WWOX: variants seen among roughly 807,000 people sequenced by gnomAD.
The protein encoded by WWOX is WW domain containing oxidoreductase.
In WWOX, 69 loss-of-function variants were observed where a neutral mutation model predicts 46.2. The ratio of observed to expected loss-of-function variants is 1.49; its 90% confidence interval spans 1.23 to 1.82. The LOEUF is 1.82. Among genes scored for constraint, WWOX ranks in the 40% most tolerant of loss-of-function variants. The probability of loss-of-function intolerance (pLI) is 0.00; values close to 1 mark genes in which losing one functional copy is unlikely to be tolerated. For missense variants in WWOX, 919 were observed against 542.6 expected (o/e 1.69, Z -6.89); for synonymous variants, 359 against 202.6 (o/e 1.77, Z -6.56).
chr16:78,326,311 A>G (rs747781790), intron 5 of WWOX, among the ~76,000 whole-genome samples: 3 of 152,168 alleles, frequency 2.0e-5, no homozygotes, highest in Non-Finnish European at 4.4e-5. Flanking sequence ...AGAAACCTAA[A>G]TTGCTAAATT....
Position 78,493,576 on chromosome 16 carries a change from T to C in WWOX, c.1056+60824T>C, listed in dbSNP as rs548233080. Among the ~76,000 whole-genome samples, 3 of 152,354 alleles carry C rather than the reference T, an allele frequency of 2.0e-5. 1 individual carries two copies. The South Asian group carries it at 6.2e-4, about 32-fold the overall frequency. ...TGGGGTGTTTAAGGAGAATTATTCT[T>C]TTTACAAGTTCTGATTAATGACACC... On this transcript the variant is annotated intron_variant, in intron 8 of 8. Transcript: ENST00000566780.
At chr16:78,273,483 T>TGGG (rs2079520483) in intron 5 of WWOX, among the ~76,000 whole-genome samples, 1 of 152,204 alleles carries the variant, frequency 6.6e-6, no homozygotes, top group Non-Finnish European at 1.5e-5. Flanking sequence ...TAAACATTTA[T>TGGG]TAAATCCAAG....
intron 8 of WWOX, among the ~76,000 whole-genome samples, chr16:78,620,052 A>G (rs1597358122): frequency 6.6e-6 from 1 of 152,202 alleles, no homozygotes; most frequent in Non-Finnish European, 1.5e-5. Context: ...TTTTCTGCCA[A>G]ATGGAAGATC....
intron 8 of WWOX, among the ~76,000 whole-genome samples, chr16:78,615,098 A>T (rs756841958): frequency 6.6e-6 from 1 of 152,208 alleles, no homozygotes; most frequent in African/African-American, 2.4e-5. Flanking sequence ...GTGAAATTCT[A>T]TGTGTAAAAT....
At chr16:78,444,454 A>G (rs1347032857) in intron 8 of WWOX, among the ~76,000 whole-genome samples, 1 of 152,052 alleles carries the variant, frequency 6.6e-6, no homozygotes, top group Non-Finnish European at 1.5e-5. Flanking sequence ...AACTGAACCT[A>G]CCATCATTTA....
chr16:78,630,304 T>A (rs929060097), intron 8 of WWOX, among the ~76,000 whole-genome samples: 2 of 152,150 alleles, frequency 1.3e-5, no homozygotes, highest in Admixed American at 6.5e-5. Context: ...CTTGGCTGCA[T>A]CTGGGAACTT....
At chr16:78,859,837 GA>G (rs2052674950) in intron 8 of WWOX, among the ~76,000 whole-genome samples, 1 of 61,390 alleles carries the variant, frequency 1.6e-5, no homozygotes, top group Admixed American at 1.7e-4. Flanking sequence ...ATTTAACAGT[GA>G]TTTTTTTTTT....
intron 8 of WWOX, among the ~76,000 whole-genome samples, chr16:79,122,281 G>C (rs756817493): frequency 1.6e-4 from 25 of 152,274 alleles, no homozygotes; most frequent in South Asian, 8.3e-4. Context: ...AAAGAAAAGG[G>C]AGGAGGTGGG....
intron 8 of WWOX, among the ~76,000 whole-genome samples, chr16:78,739,175 T>C (rs2049157997): frequency 6.6e-6 from 1 of 151,982 alleles, no homozygotes; most frequent in African/African-American, 2.4e-5. Flanking sequence ...GGACCATGAC[T>C]TTTCCCCTGG....
intron 8 of WWOX, among the ~76,000 whole-genome samples, chr16:78,863,387 A>G (rs2043934782): frequency 6.6e-6 from 1 of 152,196 alleles, no homozygotes; most frequent in South Asian, 2.1e-4. Flanking sequence ...ACCTTGATGA[A>G]TGGACCCTGA....
chr16:79,136,693 TG>T (rs1417309989), intron 8 of WWOX, among the ~76,000 whole-genome samples: 1 of 152,164 alleles, frequency 6.6e-6, no homozygotes, highest in Admixed American at 6.5e-5. Context: ...CCTTTCTAGT[TG>T]CATGACCTGG....
intron 8 of WWOX, among the ~76,000 whole-genome samples, chr16:78,624,776 A>C (rs2046273269): frequency 6.6e-6 from 1 of 152,228 alleles, no homozygotes; most frequent in Non-Finnish European, 1.5e-5. Flanking sequence ...GCAGAACGAC[A>C]CAATGGTGAA....
intron 8 of WWOX, among the ~76,000 whole-genome samples, chr16:78,956,744 A>G (rs1382187166): frequency 2.0e-5 from 3 of 152,150 alleles, no homozygotes; most frequent in Admixed American, 6.6e-5. Context: ...TGTGCCACAA[A>G]CAAGAAATTT....
intron 8 of WWOX, among the ~76,000 whole-genome samples, chr16:78,540,018 TCTCA>T (rs1313501806): frequency 1.0e-3 from 107 of 102,532 alleles, no homozygotes; most frequent in Middle Eastern, 6.1e-3. Flanking sequence ...TCTCTCTCTC[TCTCA>T]CACACACACA....
chr16:78,406,340 A>G (rs1240016834), intron 6 of WWOX, among the ~76,000 whole-genome samples: 2 of 88,898 alleles, frequency 2.2e-5, no homozygotes, highest in East Asian at 5.2e-4. Context: ...ATATATATAT[A>G]TATATATATA....
intron 8 of WWOX, among the ~76,000 whole-genome samples, chr16:78,606,235 C>T (rs1490577264): frequency 6.6e-6 from 1 of 152,162 alleles, no homozygotes; most frequent in Non-Finnish European, 1.5e-5. Context: ...CAAAAACTGG[C>T]TCTCTTTGTA....
At chr16:79,016,455 C>G (rs1271017631) in intron 8 of WWOX, 1 of 152,324 alleles carries the variant, frequency 6.6e-6, no homozygotes, top group African/African-American at 2.4e-5. Flanking sequence ...CAGAGTCTCG[C>G]TCCGTCGCCT....
intron 8 of WWOX, among the ~76,000 whole-genome samples, chr16:79,147,309 T>C (rs1263097365): frequency 6.6e-6 from 1 of 152,192 alleles, no homozygotes. Context: ...ACTTTTAAAA[T>C]GTTGTTTTTT....
rs372012297 is a variant in WWOX at position 78,872,177 on chromosome 16, C to G, written c.1057-339431C>G. 8.5e-5 allele frequency among the ~76,000 whole-genome samples: 13 copies of G among 152,302 alleles called. No homozygotes were observed. The East Asian group carries it at 2.3e-3, about 27-fold the overall frequency. ...AGGTACTTTTAGAGACGATGTCTAA[C>G]AGTGCAACCCATAGAACCAGGCTGC... On this transcript the variant is annotated intron_variant, in intron 8 of 8. Transcript: ENST00000566780.
Sources: gnomAD v4.1 joint callset for allele counts (sites outside exome capture counted in the v4.1 genomes callset) on GRCh38, gnomAD v4.1.1 for gene constraint, MANE v1.5 for transcripts, NCBI Gene and HGNC (gene_info 2026-07-23, HGNC 2026-07-21) for gene names.